GRM5: variants seen among roughly 807,000 people sequenced by gnomAD.
The protein encoded by GRM5 is glutamate metabotropic receptor 5.
A neutral mutation model predicts 83.1 loss-of-function variants in GRM5; 19 were observed. That is an observed-to-expected ratio of 0.23 (90% CI 0.16 to 0.34). GRM5 has a LOEUF of 0.34. Ranked by LOEUF, GRM5 falls within the 10% of genes least tolerant of loss-of-function variation. The probability of loss-of-function intolerance (pLI) is 1.00; values close to 1 mark genes in which losing one functional copy is unlikely to be tolerated. For missense variants in GRM5, 1,160 were observed against 1,588.3 expected, an observed-to-expected ratio of 0.73 and a Z score of 4.58; for synonymous variants, 675 against 633.6, an observed-to-expected ratio of 1.07 and a Z score of -0.98.
intron 2 of GRM5, among the ~76,000 whole-genome samples, chr11:89,008,447 G>A (rs868748663): frequency 1.3e-5 from 2 of 152,022 alleles, no homozygotes; most frequent in African/African-American, 4.8e-5. Flanking sequence ...CACACAGTCT[G>A]TATTTATGCA....
intron 2 of GRM5, among the ~76,000 whole-genome samples, chr11:88,952,836 C>G (rs1338596460): frequency 6.6e-6 from 1 of 152,094 alleles, no homozygotes; most frequent in South Asian, 2.1e-4. Context: ...AAAACAGGAA[C>G]AGATGTCTAT....
At chr11:88,549,471 A>G (rs951861935) in intron 8 of GRM5, among the ~76,000 whole-genome samples, 1 of 151,538 alleles carries the variant, frequency 6.6e-6, no homozygotes, top group Non-Finnish European at 1.5e-5. Flanking sequence ...AAACAAAACG[A>G]AACAAACCAA....
rs540834299 is a variant in GRM5, at chr11:88,941,681, A to C, written c.662-91526T>G. Among the ~76,000 whole-genome samples the C allele has an allele frequency of 2.0e-5, 3 of 152,194 alleles. No individual in the cohort carries two copies. The South Asian group carries it at 6.2e-4, about 32-fold the overall frequency. On this transcript the variant is annotated intron_variant, in intron 2 of 9. Coordinates refer to ENST00000305447, the MANE Select transcript of GRM5 (RefSeq NM_001143831.3). Reference sequence around the variant, plus strand: ...ACTATAGTCAATTATTTGGCCTAACAAATGTTAGGGAACATAATATAAATT... The same window carrying C: ...ACTATAGTCAATTATTTGGCCTAACCAATGTTAGGGAACATAATATAAATT...
intron 2 of GRM5, among the ~76,000 whole-genome samples, chr11:88,959,108 T>G (rs972118008): frequency 6.6e-6 from 1 of 152,068 alleles, no homozygotes; most frequent in Non-Finnish European, 1.5e-5. Flanking sequence ...TAAAAATAGT[T>G]TTGACCTCAC....
chr11:89,035,504 A>G (rs1468658841), intron 2 of GRM5, among the ~76,000 whole-genome samples: 1 of 151,956 alleles, frequency 6.6e-6, no homozygotes, highest in Non-Finnish European at 1.5e-5. Flanking sequence ...ATATGAAGAC[A>G]GTTTCTGAAG....
chr11:88,619,142 G>A (rs554943865), intron 4 of GRM5, among the ~76,000 whole-genome samples: 5 of 152,248 alleles, frequency 3.3e-5, no homozygotes, highest in South Asian at 2.1e-4. Context: ...CTTTACAGCC[G>A]CTCAAAACAT....
intron 4 of GRM5, among the ~76,000 whole-genome samples, chr11:88,638,406 G>A (rs896105635): frequency 6.6e-6 from 1 of 150,638 alleles, no homozygotes; most frequent in African/African-American, 2.4e-5. Context: ...GGTATATTGG[G>A]GTATAATTGT....
intron 3 of GRM5, among the ~76,000 whole-genome samples, chr11:88,841,818 A>G (rs1944208678): frequency 6.6e-6 from 1 of 151,648 alleles, no homozygotes; most frequent in Admixed American, 6.5e-5. Context: ...TGCAAAAGAC[A>G]TGATAAAAAA....
At chr11:88,810,725 T>G (rs910693231) in intron 3 of GRM5, among the ~76,000 whole-genome samples, 1 of 152,130 alleles carries the variant, frequency 6.6e-6, no homozygotes, top group Non-Finnish European at 1.5e-5. Context: ...TTAAATTAAT[T>G]GTGAAGTATA....
intron 3 of GRM5, among the ~76,000 whole-genome samples, chr11:88,663,338 C>G (rs1939954452): frequency 6.6e-6 from 1 of 152,116 alleles, no homozygotes; most frequent in Admixed American, 6.6e-5. Flanking sequence ...GGGATGCTTC[C>G]ACGTCATATG....
chr11:88,937,624 T>C (rs1379717272), intron 2 of GRM5, among the ~76,000 whole-genome samples: 1 of 151,770 alleles, frequency 6.6e-6, no homozygotes, highest in Non-Finnish European at 1.5e-5. Context: ...AAACAAATTC[T>C]GTAACACAAG....
chr11:88,831,765 C>T (rs1220913685), intron 3 of GRM5, among the ~76,000 whole-genome samples: 1 of 152,144 alleles, frequency 6.6e-6, no homozygotes, highest in East Asian at 1.9e-4. Flanking sequence ...TGCTTGGGAT[C>T]CAAAGGATTG....
intron 3 of GRM5, among the ~76,000 whole-genome samples, chr11:88,736,529 C>CCAA (rs1941917705): frequency 6.6e-6 from 1 of 152,030 alleles, no homozygotes; most frequent in Admixed American, 6.6e-5. Flanking sequence ...ATTTTCTCAA[C>CCAA]CAACAAATGT....
At chr11:89,009,835 A>G (rs1940636570) in intron 2 of GRM5, among the ~76,000 whole-genome samples, 1 of 130,132 alleles carries the variant, frequency 7.7e-6, no homozygotes, top group Non-Finnish European at 1.6e-5. Flanking sequence ...CGGGAGGCGG[A>G]GCTTGCAGTG....
At chr11:89,057,790 T>A (rs910377446) in intron 1 of GRM5, among the ~76,000 whole-genome samples, 2 of 152,208 alleles carry the variant, frequency 1.3e-5, no homozygotes, top group African/African-American at 4.8e-5. Flanking sequence ...CTTGAGACCG[T>A]GGTTTTACAT....
intron 2 of GRM5, among the ~76,000 whole-genome samples, chr11:88,877,587 T>C (rs1396759558): frequency 1.3e-5 from 2 of 151,800 alleles, no homozygotes; most frequent in African/African-American, 2.4e-5. Flanking sequence ...CCAAAGCAGA[T>C]GTATGGATGT....
chr11:88,944,581 T>C (rs529927805), intron 2 of GRM5, among the ~76,000 whole-genome samples: 42 of 152,030 alleles, frequency 2.8e-4, no homozygotes, highest in Admixed American at 5.2e-4. Flanking sequence ...TTATTAACTA[T>C]AATTCTCATG....
intron 8 of GRM5, among the ~76,000 whole-genome samples, chr11:88,559,481 C>T (rs1437308160): frequency 6.6e-6 from 1 of 152,114 alleles, no homozygotes; most frequent in Non-Finnish European, 1.5e-5. Flanking sequence ...CCTCAGTTTC[C>T]TCATGTGTAC....
At chr11:88,746,513 C>A (rs917700275) in intron 3 of GRM5, among the ~76,000 whole-genome samples, 8 of 150,398 alleles carry the variant, frequency 5.3e-5, no homozygotes, top group African/African-American at 1.7e-4. Flanking sequence ...CTATAGTGGA[C>A]AATTTATTTT....
Sources: gnomAD v4.1 joint callset for allele counts (sites outside exome capture counted in the v4.1 genomes callset) on GRCh38, gnomAD v4.1.1 for gene constraint, MANE v1.5 for transcripts, NCBI Gene and HGNC (gene_info 2026-07-23, HGNC 2026-07-21) for gene names.